AMBRA1: variants seen among roughly 807,000 people sequenced by gnomAD.
The protein encoded by AMBRA1 is activating molecule in BECN1-regulated autophagy protein 1.
In AMBRA1, 47 loss-of-function variants were observed where a neutral mutation model predicts 125.4. The observed-to-expected ratio is 0.37, with a 90% CI of 0.30 to 0.48. AMBRA1 has a LOEUF of 0.48. Ranked by LOEUF, AMBRA1 falls within the 20% of genes least tolerant of loss-of-function variation. The pLI is 0.99. For synonymous variants in AMBRA1, 626 were observed against 655.5 expected (o/e 0.95, Z 0.69); for missense variants, 1,331 against 1,693.4 (o/e 0.79, Z 3.76).
chr11:46,533,399 T>C (rs1485699053), intron 7 of AMBRA1, among the ~76,000 whole-genome samples: 1 of 152,212 alleles, frequency 6.6e-6, no homozygotes, highest in Non-Finnish European at 1.5e-5. Context: ...TTTCCATTTA[T>C]GATCTCTTGT....
chr11:46,578,082 T>C (rs947803928), intron 1 of AMBRA1, among the ~76,000 whole-genome samples: 3 of 151,984 alleles, frequency 2.0e-5, no homozygotes, highest in African/African-American at 7.2e-5. Context: ...CAATCACCAC[T>C]GTAGTCTAGC....
intron 1 of AMBRA1, among the ~76,000 whole-genome samples, chr11:46,581,474 G>A (rs1383989737): frequency 1.3e-5 from 2 of 152,086 alleles, no homozygotes; most frequent in Non-Finnish European, 2.9e-5. Flanking sequence ...TGGTGTGGTG[G>A]TAGGCGCCTG....
intron 11 of AMBRA1, among the ~76,000 whole-genome samples, chr11:46,467,344 T>G (rs886314023): frequency 3.9e-5 from 6 of 152,220 alleles, no homozygotes; most frequent in African/African-American, 1.4e-4. Flanking sequence ...TAATGTAAAT[T>G]ATTTACAGTA....
At chr11:46,440,511 T>A (rs943414306) in intron 12 of AMBRA1, among the ~76,000 whole-genome samples, 3 of 152,212 alleles carry the variant, frequency 2.0e-5, no homozygotes, top group Non-Finnish European at 4.4e-5. Context: ...TTATATTTTT[T>A]AAATTTTTGA....
intron 9 of AMBRA1, among the ~76,000 whole-genome samples, chr11:46,500,265 A>G (rs1950786873): frequency 6.6e-6 from 1 of 152,184 alleles, no homozygotes; most frequent in Non-Finnish European, 1.5e-5. Flanking sequence ...ATCCAGTAAG[A>G]GTAAAAAAGG....
intron 11 of AMBRA1, among the ~76,000 whole-genome samples, chr11:46,449,980 A>C (rs1325502983): frequency 6.6e-6 from 1 of 151,360 alleles, no homozygotes; most frequent in African/African-American, 2.4e-5. Context: ...AATCGCTTGA[A>C]CACAGTAGGT....
chr11:46,457,448 G>C (rs1367984225), intron 11 of AMBRA1, among the ~76,000 whole-genome samples: 1 of 152,168 alleles, frequency 6.6e-6, no homozygotes, highest in African/African-American at 2.4e-5. Flanking sequence ...AATCTTGAGG[G>C]TGTTCCACAA....
At position 46,408,506 on chromosome 11, in the gene AMBRA1, C is replaced by A; in HGVS notation, c.3403+7G>T. On this transcript the variant is annotated splice_region_variant and intron_variant, in intron 17 of 17. Transcript: ENST00000683756. ...TCCCACCCCCTCCAGCGCCACATGGCTCCTACCTTCACCAGGACCTGAGGC... is the reference window on the plus strand; with the variant it reads ...TCCCACCCCCTCCAGCGCCACATGGATCCTACCTTCACCAGGACCTGAGGC... The A allele has an allele frequency of 1.3e-6, 2 of 1,539,298 alleles. No homozygotes were observed. Among genetic ancestry groups the A allele is most frequent in the Non-Finnish European group, 1.8e-6 (2 of 1,138,848 alleles).
At chr11:46,511,904 G>C (rs926525914) in intron 8 of AMBRA1, among the ~76,000 whole-genome samples, 1 of 151,946 alleles carries the variant, frequency 6.6e-6, no homozygotes, top group Non-Finnish European at 1.5e-5. Flanking sequence ...ACCCAGGCTG[G>C]AGTGCAGTGG....
intron 17 of AMBRA1, among the ~76,000 whole-genome samples, chr11:46,405,621 T>C (rs1386729137): frequency 1.3e-5 from 2 of 151,810 alleles, no homozygotes; most frequent in African/African-American, 2.4e-5. Context: ...AGCTAGTCAG[T>C]AGGCTGAGGC....
At position 46,397,167 on chromosome 11, in the gene AMBRA1, G is replaced by A. The variant is rs1234401712; in HGVS notation, c.*283C>T. On this transcript the variant is annotated 3_prime_UTR_variant, in exon 18 of 18. Coordinates refer to ENST00000683756, the MANE Select transcript of AMBRA1 (RefSeq NM_001387011.1). ...TGAGCCCATGTTACTAGGAGAAAGTGGGGTGCCTGGCAGAGATACCCACTT... is the reference window on the plus strand; with the variant it reads ...TGAGCCCATGTTACTAGGAGAAAGTAGGGTGCCTGGCAGAGATACCCACTT... 2 of 316,528 alleles carry A rather than the reference G, an allele frequency of 6.3e-6. No individual in the cohort carries two copies. The highest frequency in any genetic ancestry group is 5.1e-5 in the East Asian group (1 of 19,462). The allele number at this position is 316,528 out of a possible 1,614,324, so 19.6% of individuals were successfully genotyped here.
At chr11:46,497,624 T>C (rs945011039) in intron 9 of AMBRA1, among the ~76,000 whole-genome samples, 5 of 152,076 alleles carry the variant, frequency 3.3e-5, no homozygotes, top group African/African-American at 1.2e-4. Context: ...TAGGATAAAA[T>C]AGCCTATAAC....
chr11:46,417,903 AG>A lies in AMBRA1; in HGVS notation c.3116+9del. 6.2e-7 allele frequency: 1 copy of A among 1,600,058 alleles called. No individual in the cohort carries two copies. The highest frequency in any genetic ancestry group is 8.5e-7 in the Non-Finnish European group (1 of 1,170,092). On this transcript the variant is annotated intron_variant, in intron 15 of 17. Coordinates refer to ENST00000683756, the MANE Select transcript of AMBRA1 (RefSeq NM_001387011.1). ...GTGATCCCTCAACCCCCACACTTTA[AG>A]CCACTTACTCTGGTCGGCAGATCAC...
chr11:46,494,229 ATAAGAGAGTCAC>A, intron 9 of AMBRA1, 25 bp from the exon 10 acceptor site: 1 of 1,556,608 alleles, frequency 6.4e-7, no homozygotes, highest in Middle Eastern at 1.7e-4. Context: ...AACACTACAC[ATAAGAGAGTCAC>A]TAAGGAAGAA....
At chr11:46,528,462 C>T (rs903553241) in intron 7 of AMBRA1, among the ~76,000 whole-genome samples, 3 of 152,234 alleles carry the variant, frequency 2.0e-5, no homozygotes, top group Non-Finnish European at 2.9e-5. Flanking sequence ...TGAGCCACCG[C>T]GCCCAGCCAC....
At chr11:46,452,424 C>T (rs1948654413) in intron 11 of AMBRA1, among the ~76,000 whole-genome samples, 1 of 152,078 alleles carries the variant, frequency 6.6e-6, no homozygotes, top group African/African-American at 2.4e-5. Flanking sequence ...CTTAAGTGAT[C>T]CTCCTGCCTC....
chr11:46,570,674 C>G (rs1591154376), intron 1 of AMBRA1, among the ~76,000 whole-genome samples: 1 of 151,946 alleles, frequency 6.6e-6, no homozygotes, highest in East Asian at 1.9e-4. Context: ...TTTTTTTAAG[C>G]CAGTAAGAGA....
intron 11 of AMBRA1, among the ~76,000 whole-genome samples, chr11:46,459,880 G>A (rs1590863011): frequency 6.6e-6 from 1 of 151,976 alleles, no homozygotes; most frequent in South Asian, 2.1e-4. Context: ...AGAGTTGAAG[G>A]ACTTCAGAAA....
intron 11 of AMBRA1, among the ~76,000 whole-genome samples, chr11:46,471,392 C>A (rs949386989): frequency 1.3e-5 from 2 of 151,962 alleles, no homozygotes; most frequent in Non-Finnish European, 2.9e-5. Flanking sequence ...CCCTAGCTAA[C>A]ACGGTGAAAC....
Sources: allele counts gnomAD v4.1 joint callset (sites outside exome capture counted in the v4.1 genomes callset), GRCh38; gene constraint gnomAD v4.1.1; transcripts MANE v1.5; gene names NCBI Gene and HGNC (gene_info 2026-07-23, HGNC 2026-07-21).